RIC3: variants seen among roughly 807,000 people sequenced by gnomAD.
The protein encoded by RIC3 is protein RIC-3.
In RIC3, 28 loss-of-function variants were observed where a neutral mutation model predicts 27.3. The ratio of observed to expected loss-of-function variants is 1.02; its 90% CI spans 0.76 to 1.41. The LOEUF is 1.41. RIC3 is among the 40% of genes most tolerant of loss of function. RIC3 has a pLI of 0.00. For missense variants in RIC3, 501 were observed against 444.7 expected (o/e 1.13, Z -1.14); for synonymous variants, 184 against 160.4 (o/e 1.15, Z -1.11).
chr11:8,159,006 C>G (rs1950944807), intron 1 of RIC3, among the ~76,000 whole-genome samples: 1 of 151,508 alleles, frequency 6.6e-6, no homozygotes, highest in Admixed American at 6.6e-5. Context: ...GCTGGGATTA[C>G]AGGCGTGAGC....
intron 4 of RIC3, chr11:8,128,431 T>A (rs774750661): frequency 2.5e-5 from 9 of 361,826 alleles, no homozygotes; most frequent in Non-Finnish European, 4.3e-5. Context: ...CAAAGCATCC[T>A]CATTTCACTC....
At position 8,151,503 on chromosome 11, in the gene RIC3, G is replaced by A. The variant is rs529295682; in HGVS notation, c.125-11310C>T. On this transcript the variant is annotated intron_variant, in intron 1 of 5. Coordinates refer to ENST00000309737, the MANE Select transcript of RIC3 (RefSeq NM_001206671.4). ...CGGGAGGCTGAGGCAGGAGAATGGCGTGAACCCGGGAGGCGGAGCTTGCAG... is the reference window on the plus strand; with the variant it reads ...CGGGAGGCTGAGGCAGGAGAATGGCATGAACCCGGGAGGCGGAGCTTGCAG... 2.9e-3 allele frequency among the ~76,000 whole-genome samples: 416 copies of A among 145,786 alleles called. 5 individuals carry two copies. Among genetic ancestry groups the A allele is most frequent in the Non-Finnish European group, 2.3e-3 (155 of 66,850 alleles).
chr11:8,107,863 G>A lies in RIC3; in HGVS notation c.*2835C>T, dbSNP rs147954094. ...CACAGTGCCAAAAGGCCAGGGGACT[G>A]ATCAAGTTCCCAGCACCCTCGTGAG... On this transcript the variant is annotated 3_prime_UTR_variant, in exon 6 of 6. Transcript: ENST00000309737. The A allele has an allele frequency of 5.9e-5, 9 of 152,288 alleles. No individual in the cohort carries two copies. Among genetic ancestry groups the A allele is most frequent in the Non-Finnish European group, 1.3e-4 (9 of 68,030 alleles). 9.4% of individuals were successfully genotyped at this position (152,288 alleles called of 1,614,324 possible). A position where few individuals can be genotyped will look rare whatever the true frequency, so the allele number is the denominator to read the frequency against.
chr11:8,104,825 A>G (rs1944469528), downstream of RIC3: 1 of 152,100 alleles, frequency 6.6e-6, no homozygotes, highest in Admixed American at 6.5e-5. Flanking sequence ...TGGCGAACAC[A>G]GGTGTTGGAA....
At chr11:8,149,996 G>A (rs998018603) in intron 1 of RIC3, among the ~76,000 whole-genome samples, 1 of 152,080 alleles carries the variant, frequency 6.6e-6, no homozygotes, top group Admixed American at 6.6e-5. Context: ...GATGTCAGAG[G>A]GCTGAAAACT....
At chr11:8,124,586 A>G (rs1003881782) in intron 5 of RIC3, among the ~76,000 whole-genome samples, 6 of 152,090 alleles carry the variant, frequency 3.9e-5, no homozygotes, top group East Asian at 3.8e-4. Flanking sequence ...TAATCTTGGG[A>G]AAAAAAATCT....
At chr11:8,159,202 G>C (rs1010994987) in intron 1 of RIC3, among the ~76,000 whole-genome samples, 5 of 152,114 alleles carry the variant, frequency 3.3e-5, no homozygotes, top group African/African-American at 7.2e-5. Context: ...ACATGAAGAC[G>C]AAGGGAAAGG....
In RIC3 at chr11:8,166,685, T is replaced by C. The variant is rs140251597; in HGVS notation, c.124+2181A>G. ...ACGAGTTCGACACCAGCCTGGACAA[T>C]ACAATGAGACCCCCATCTCAACCAA... On this transcript the variant is annotated intron_variant, in intron 1 of 5. Transcript: ENST00000309737. 2.6e-3 allele frequency among the ~76,000 whole-genome samples: 395 copies of C among 152,104 alleles called. 2 individuals are homozygous for C. The highest frequency in any genetic ancestry group is 9.2e-3 in the African/African-American group (381 of 41,510).
the RIC3 span, chr11:8,097,610 C>T: frequency 1.5e-6 from 2 of 1,294,790 alleles, no homozygotes; most frequent in Non-Finnish European, 1.1e-6. Context: ...CACATATGTG[C>T]GTTTGGGAGC....
At chr11:8,114,511 C>T (rs527732171) in intron 5 of RIC3, among the ~76,000 whole-genome samples, 1 of 150,600 alleles carries the variant, frequency 6.6e-6, no homozygotes, top group Admixed American at 6.6e-5. Context: ...GAGGCTGAGG[C>T]AGAAGAATCG....
chr11:8,097,448 A>G, the RIC3 span: 45 of 1,614,180 alleles, frequency 2.8e-5, no homozygotes, highest in African/African-American at 4.0e-5. Flanking sequence ...TGGGCATGTT[A>G]TCATCTAGGC....
chr11:8,102,740 A>G (rs542339319), downstream of RIC3: 4 of 152,388 alleles, frequency 2.6e-5, no homozygotes, highest in African/African-American at 9.6e-5. Flanking sequence ...AGAGATCAGC[A>G]GTGGCAGGAC....
chr11:8,098,305 TG>T, the RIC3 span, among the ~76,000 whole-genome samples: 16 of 152,146 alleles, frequency 1.1e-4, no homozygotes, highest in East Asian at 3.1e-3. Context: ...GTACCAGATT[TG>T]GGGAGCATAA....
At chr11:8,104,204 T>A (rs911639710), downstream of RIC3, 3 of 152,228 alleles carry the variant, frequency 2.0e-5, no homozygotes, top group Admixed American at 6.5e-5. Context: ...GGATGGTCTT[T>A]GGGCAGGGAA....
chr11:8,093,353 G>A, the RIC3 span, among the ~76,000 whole-genome samples: 1 of 152,276 alleles, frequency 6.6e-6, no homozygotes, highest in African/African-American at 2.4e-5. Context: ...GCAACTCTTG[G>A]TGCCCCAGAG....
chr11:8,123,601 T>C (rs989551225), intron 5 of RIC3, among the ~76,000 whole-genome samples: 1 of 152,132 alleles, frequency 6.6e-6, no homozygotes, highest in Non-Finnish European at 1.5e-5. Flanking sequence ...AACAACTTTA[T>C]ACTAACAATA....
At chr11:8,116,806 C>T (rs1296801362) in intron 5 of RIC3, among the ~76,000 whole-genome samples, 1 of 152,150 alleles carries the variant, frequency 6.6e-6, no homozygotes, top group East Asian at 1.9e-4. Flanking sequence ...TATACTATTG[C>T]TGGGAATGTA....
the RIC3 span, chr11:8,094,145 G>A: frequency 6.2e-5 from 100 of 1,614,076 alleles, no homozygotes; most frequent in East Asian, 1.6e-3. Context: ...ACAGCAGGGG[G>A]CCAGGGTGGC....
chr11:8,096,451 T>C, the RIC3 span, among the ~76,000 whole-genome samples: 9 of 152,172 alleles, frequency 5.9e-5, no homozygotes, highest in African/African-American at 2.2e-4. Flanking sequence ...CTGAGGATTG[T>C]GGCCAGCCCC....
Sources: gnomAD v4.1 joint callset for allele counts (sites outside exome capture counted in the v4.1 genomes callset) on GRCh38, gnomAD v4.1.1 for gene constraint, MANE v1.5 for transcripts, NCBI Gene and HGNC (gene_info 2026-07-23, HGNC 2026-07-21) for gene names.